LOXL2: variants seen among roughly 807,000 people sequenced by gnomAD.
The protein encoded by LOXL2 is lysyl oxidase like 2, also known as lysyl oxidase homolog 2.
A neutral mutation model predicts 93.0 loss-of-function variants in LOXL2; 70 were observed. That is an observed-to-expected ratio of 0.75 (90% CI 0.62 to 0.92). The LOEUF (loss-of-function observed/expected upper bound fraction) is 0.92. Ranked by LOEUF, LOXL2 falls within the 40% of genes least tolerant of loss-of-function variation. The pLI, the probability that LOXL2 is intolerant of heterozygous loss-of-function variation, is 0.00. For missense variants in LOXL2, 973 were observed against 1,054.9 expected (o/e 0.92, Z 1.08); for synonymous variants, 438 against 413.2 (o/e 1.06, Z -0.73).
intron 1 of LOXL2, among the ~76,000 whole-genome samples, chr8:23,373,994 C>T (rs1029271293): frequency 5.9e-5 from 9 of 152,128 alleles, no homozygotes; most frequent in Non-Finnish European, 1.2e-4. Flanking sequence ...TACATGTGCA[C>T]AACATGCAGG....
At chr8:23,312,423 C>T (rs1803333344) in intron 9 of LOXL2, among the ~76,000 whole-genome samples, 1 of 137,186 alleles carries the variant, frequency 7.3e-6, no homozygotes, top group Non-Finnish European at 1.5e-5. Context: ...AAACCGAATC[C>T]AGCAGCACAT....
chr8:23,317,518 G>A (rs1803422622), intron 8 of LOXL2, among the ~76,000 whole-genome samples: 1 of 152,216 alleles, frequency 6.6e-6, no homozygotes, highest in South Asian at 2.1e-4. Flanking sequence ...TCTCAACACA[G>A]TGCTCCAGGA....
At chr8:23,383,473 G>A (rs747370763) in intron 1 of LOXL2, among the ~76,000 whole-genome samples, 2 of 151,890 alleles carry the variant, frequency 1.3e-5, no homozygotes, top group African/African-American at 4.8e-5. Context: ...AATATTGGCC[G>A]AGTGAATAAA....
At chr8:23,308,195 T>A (rs1803260270) in intron 10 of LOXL2, among the ~76,000 whole-genome samples, 1 of 152,134 alleles carries the variant, frequency 6.6e-6, no homozygotes. Flanking sequence ...CCCATAACAG[T>A]GATGACCACA....
intron 10 of LOXL2, among the ~76,000 whole-genome samples, chr8:23,307,116 A>C (rs866392831): frequency 6.6e-6 from 1 of 152,186 alleles, no homozygotes; most frequent in Non-Finnish European, 1.5e-5. Context: ...GATGGCCTTC[A>C]GAGTGTCTGC....
chr8:23,362,428 T>C (rs939405752), intron 2 of LOXL2, among the ~76,000 whole-genome samples: 1 of 152,346 alleles, frequency 6.6e-6, no homozygotes, highest in East Asian at 1.9e-4. Context: ...ACTACTGAAC[T>C]GGACACTTAA....
chr8:23,355,977 T>G (rs1268385787), intron 3 of LOXL2, among the ~76,000 whole-genome samples: 1 of 152,124 alleles, frequency 6.6e-6, no homozygotes, highest in South Asian at 2.1e-4. Context: ...ACTGTTTTTT[T>G]CCCCATGAAC....
At chr8:23,362,904 T>C (rs558077064) in intron 2 of LOXL2, among the ~76,000 whole-genome samples, 1 of 152,290 alleles carries the variant, frequency 6.6e-6, no homozygotes, top group African/African-American at 2.4e-5. Flanking sequence ...CCGCTCCTTT[T>C]AGGAGTCTAG....
intron 1 of LOXL2, chr8:23,385,941 G>A (rs1293139308): frequency 1.3e-6 from 1 of 765,240 alleles, no homozygotes; most frequent in Non-Finnish European, 2.4e-6. Context: ...ATTCCAAGCA[G>A]CACATTGCAA....
chr8:23,368,390 C>T lies in LOXL2; in HGVS notation c.-39G>A, dbSNP rs563340466. The T allele has an allele frequency of 6.4e-6, 10 of 1,569,946 alleles. No individual in the cohort carries two copies. The highest frequency in any genetic ancestry group is 3.3e-5 in the South Asian group (3 of 90,310). ...CTGATGATCCCACGAAGGGGCCCTG[C>T]GCAGCTGGGAGGGACAGGCGGGGTA... On this transcript the variant is annotated 5_prime_UTR_variant, in exon 2 of 14. Transcript: ENST00000389131.
intron 3 of LOXL2, among the ~76,000 whole-genome samples, chr8:23,342,441 T>C (rs527713431): frequency 0.018 from 2,705 of 150,644 alleles, 95 homozygotes; most frequent in East Asian, 0.12. Context: ...TTCTTTTTTT[T>C]TTTTTTTTGA....
intron 1 of LOXL2, chr8:23,402,486 G>A (rs80219401): frequency 0.071 from 10,798 of 152,694 alleles, 497 homozygotes; most frequent in African/African-American, 0.11. Flanking sequence ...TGAGGAGAAA[G>A]ATTAAAAATT....
intron 4 of LOXL2, among the ~76,000 whole-genome samples, chr8:23,340,643 A>C (rs922786570): frequency 1.3e-5 from 2 of 152,178 alleles, no homozygotes; most frequent in African/African-American, 4.8e-5. Context: ...GTATTGCCCT[A>C]GCCTAGCTCG....
chr8:23,335,175 C>G (rs1369319501), intron 4 of LOXL2, among the ~76,000 whole-genome samples: 1 of 152,076 alleles, frequency 6.6e-6, no homozygotes, highest in Non-Finnish European at 1.5e-5. Context: ...TGTAAGGAGG[C>G]CGTGGCAGGA....
chr8:23,324,990 C>A (rs1585350404), intron 6 of LOXL2, among the ~76,000 whole-genome samples: 2 of 152,266 alleles, frequency 1.3e-5, no homozygotes, highest in Non-Finnish European at 2.9e-5. Context: ...GGGAGCTGCC[C>A]CCTCCAGTAC....
chr8:23,332,646 C>T (rs1412189475), intron 5 of LOXL2, among the ~76,000 whole-genome samples: 1 of 119,078 alleles, frequency 8.4e-6, no homozygotes, highest in African/African-American at 3.4e-5. Context: ...CACCCACACT[C>T]ACACGCTCAT....
At chr8:23,366,923 G>A in intron 2 of LOXL2, among the ~76,000 whole-genome samples, 1 of 152,232 alleles carries the variant, frequency 6.6e-6, no homozygotes, top group East Asian at 1.9e-4. Context: ...GGAAAATGAG[G>A]CTGGAGAGGA....
At position 23,368,393 on chromosome 8, in the gene LOXL2, A is replaced by C. The variant is rs767310086; in HGVS notation, c.-42T>G. 1.3e-6 allele frequency: 2 copies of C among 1,553,020 alleles called. No homozygotes were observed. The highest frequency in any genetic ancestry group is 2.2e-5 in the South Asian group (2 of 89,994). ...ATGATCCCACGAAGGGGCCCTGCGC[A>C]GCTGGGAGGGACAGGCGGGGTACAG... On this transcript the variant is annotated 5_prime_UTR_variant, in exon 2 of 14. Coordinates refer to ENST00000389131, the MANE Select transcript of LOXL2 (RefSeq NM_002318.3).
intron 5 of LOXL2, 141 bp downstream of exon 5, chr8:23,333,260 G>A (rs759548998): frequency 3.1e-4 from 224 of 730,746 alleles, no homozygotes; most frequent in Non-Finnish European, 4.6e-4. Context: ...AGGGCGCTCA[G>A]GTCTCAGAGT....
Sources: allele counts gnomAD v4.1 joint callset (sites outside exome capture counted in the v4.1 genomes callset), GRCh38; gene constraint gnomAD v4.1.1; transcripts MANE v1.5; gene names NCBI Gene and HGNC (gene_info 2026-07-23, HGNC 2026-07-21).